The following SPTLC2 variants were observed in gnomAD, a reference collection of about 807,000 sequenced individuals.
SPTLC2 encodes the protein serine palmitoyltransferase long chain base subunit 2.
SPTLC2 carries 21 observed loss-of-function variants against 62.0 expected under a neutral mutation model. That is an observed-to-expected ratio of 0.34 (90% CI 0.24 to 0.49). SPTLC2 has a LOEUF of 0.49. Ranked by LOEUF, SPTLC2 falls within the 20% of genes least tolerant of loss-of-function variation. The probability of loss-of-function intolerance (pLI) is 0.99; values close to 1 mark genes in which losing one functional copy is unlikely to be tolerated. For missense variants in SPTLC2, 511 were observed against 713.0 expected (o/e 0.72, Z 3.23); for synonymous variants, 261 against 261.8 (o/e 1.00, Z 0.03).
intron 11 of SPTLC2, among the ~76,000 whole-genome samples, chr14:77,513,895 C>CAAAAA (rs35769140): frequency 5.6e-5 from 6 of 106,212 alleles, no homozygotes; most frequent in Non-Finnish European, 1.1e-4. Context: ...AACTCTGTCT[C>CAAAAA]AAAAAAAAAA....
chr14:77,590,202 C>T (rs10873307), intron 2 of SPTLC2, among the ~76,000 whole-genome samples: 62,713 of 151,900 alleles, frequency 0.41, 14,359 homozygotes, highest in Non-Finnish European at 0.51. Flanking sequence ...GTCTCAAACT[C>T]CTGCGCTCAA....
intron 2 of SPTLC2, among the ~76,000 whole-genome samples, chr14:77,595,267 A>G (rs2079840334): frequency 6.6e-6 from 1 of 152,094 alleles, no homozygotes; most frequent in South Asian, 2.1e-4. Context: ...TGGGAAGCTG[A>G]GGCATGAGAA....
intron 2 of SPTLC2, among the ~76,000 whole-genome samples, chr14:77,588,319 A>G (rs951501071): frequency 6.6e-6 from 1 of 152,220 alleles, no homozygotes; most frequent in Admixed American, 6.5e-5. Context: ...AAGTTGTTTC[A>G]AAACTTAAAT....
intron 2 of SPTLC2, among the ~76,000 whole-genome samples, chr14:77,590,795 A>C (rs1414257253): frequency 2.0e-5 from 3 of 152,226 alleles, no homozygotes; most frequent in Non-Finnish European, 4.4e-5. Flanking sequence ...AGCAAAAAGG[A>C]AAGGGGGAGA....
At chr14:77,514,736 G>A (rs1444549882) in intron 11 of SPTLC2, among the ~76,000 whole-genome samples, 1 of 152,136 alleles carries the variant, frequency 6.6e-6, no homozygotes, top group Non-Finnish European at 1.5e-5. Flanking sequence ...TGCAACTTTT[G>A]TCACTATCTA....
chr14:77,572,770 G>C (rs562150157), intron 4 of SPTLC2, among the ~76,000 whole-genome samples: 1 of 152,302 alleles, frequency 6.6e-6, no homozygotes, highest in East Asian at 1.9e-4. Context: ...TTATGTTGTG[G>C]GGATGGCTTC....
At chr14:77,616,271 C>T (rs1201280073) in intron 1 of SPTLC2, among the ~76,000 whole-genome samples, 177 bp downstream of exon 1, 1 of 152,190 alleles carries the variant, frequency 6.6e-6, no homozygotes, top group Non-Finnish European at 1.5e-5. Flanking sequence ...CCCGAGCCGT[C>T]CTTGAGCCTC....
chr14:77,554,217 AT>A (rs2079570949), intron 8 of SPTLC2, among the ~76,000 whole-genome samples: 1 of 152,252 alleles, frequency 6.6e-6, no homozygotes, highest in East Asian at 1.9e-4. Flanking sequence ...GACATACATT[AT>A]TTTTTCCCTA....
chr14:77,555,455 A>T lies in SPTLC2; in HGVS notation c.1021T>A (p.Leu341Met). 1 of 1,614,204 alleles carries T rather than the reference A, an allele frequency of 6.2e-7. No individual in the cohort carries two copies. The part of the protein sequence containing the change: ...IALKKKYKAY[L>M]YLDEAHSIGA... ...ATGCTGTGAGCCTCATCCAGATACAAGTATGCCTTGTATTTCTTCTTGAGG... is the reference window on the plus strand; with the variant it reads ...ATGCTGTGAGCCTCATCCAGATACATGTATGCCTTGTATTTCTTCTTGAGG... The change falls in exon 8 of 12, where the codon TTG (leucine) becomes ATG (methionine). Residue 341 changes from leucine to methionine, a missense_variant. Physicochemically the swap from Leu to Met is conservative, Grantham distance 15. Coordinates refer to ENST00000216484, the MANE Select transcript of SPTLC2 (RefSeq NM_004863.4).
At chr14:77,573,202 G>T (rs1022688184) in intron 4 of SPTLC2, among the ~76,000 whole-genome samples, 1 of 152,136 alleles carries the variant, frequency 6.6e-6, no homozygotes, top group Non-Finnish European at 1.5e-5. Flanking sequence ...GGGAGCGGGG[G>T]AGATGAAGAA....
intron 4 of SPTLC2, among the ~76,000 whole-genome samples, chr14:77,573,237 A>T (rs35513319): frequency 0.022 from 3,345 of 152,254 alleles, 55 homozygotes; most frequent in Non-Finnish European, 0.032. Flanking sequence ...GTACAAATAT[A>T]GAGTTAGAAG....
chr14:77,593,288 T>C (rs76346177), intron 2 of SPTLC2, among the ~76,000 whole-genome samples: 5,183 of 152,238 alleles, frequency 0.034, 291 homozygotes, highest in African/African-American at 0.12. Context: ...ATCTAAATAT[T>C]AGAATATTTT....
intron 5 of SPTLC2, among the ~76,000 whole-genome samples, chr14:77,568,235 GT>G (rs769821979): frequency 1.3e-5 from 2 of 151,946 alleles, no homozygotes; most frequent in Non-Finnish European, 2.9e-5. Flanking sequence ...GAAATATATT[GT>G]TTAATTTTCA....
chr14:77,514,140 G>C (rs1484705595), intron 11 of SPTLC2, among the ~76,000 whole-genome samples: 1 of 152,112 alleles, frequency 6.6e-6, no homozygotes, highest in Non-Finnish European at 1.5e-5. Flanking sequence ...CCAAGATCAT[G>C]CCACTGTACT....
chr14:77,576,967 C>T, intron 3 of SPTLC2, 52 bp from the exon 4 acceptor site: 2 of 1,602,506 alleles, frequency 1.2e-6, no homozygotes, highest in Non-Finnish European at 8.5e-7. Context: ...AAAGTACTTA[C>T]ATGTAATATT....
At chr14:77,569,765 T>A (rs988134276) in intron 5 of SPTLC2, among the ~76,000 whole-genome samples, 3 of 92,986 alleles carry the variant, frequency 3.2e-5, no homozygotes, top group Admixed American at 1.3e-4. Flanking sequence ...GATATATATA[T>A]TATATATATA....
intron 2 of SPTLC2, among the ~76,000 whole-genome samples, chr14:77,593,089 T>TGA (rs1422425826): frequency 7.4e-5 from 11 of 149,006 alleles, no homozygotes; most frequent in Admixed American, 6.7e-4. Context: ...GGCGACAGAG[T>TGA]GAGACTCCAT....
rs555414773 is a variant in SPTLC2, at chr14:77,550,894, ACT to A, written c.1303+1200_1303+1201del. Among the ~76,000 whole-genome samples, 629 of 143,338 alleles carry A rather than the reference ACT, an allele frequency of 4.4e-3. 3 individuals carry two copies. Among genetic ancestry groups the A allele is most frequent in the Middle Eastern group, 0.024 (7 of 286 alleles). 94.0% of individuals were successfully genotyped at this position (143,338 alleles called of 152,430 possible). A position where few individuals can be genotyped will look rare whatever the true frequency, so the allele number is the denominator to read the frequency against. On this transcript the variant is annotated intron_variant, in intron 9 of 11. Coordinates refer to ENST00000216484, the MANE Select transcript of SPTLC2 (RefSeq NM_004863.4). ...ACTCCAGCCCGGGAGACAGAGCAAG[ACT>A]CTGTCTCAAAAACAAAAACCAGAAA...
In SPTLC2 at chr14:77,562,563, CA is replaced by C. The variant is rs1305156716; in HGVS notation, c.757-75del. 7.8e-6 allele frequency: 9 copies of C among 1,151,044 alleles called. No individual in the cohort carries two copies. In the South Asian group the frequency reaches 8.8e-5, roughly 11 times the overall value. 71.3% of individuals were successfully genotyped at this position (1,151,044 alleles called of 1,614,324 possible). On this transcript the variant is annotated intron_variant, in intron 5 of 11. Transcript: ENST00000216484. ...TAGTTACACAAATCACAAAATGCCA[CA>C]AACACTAATAGCTGTATCTTATTAA...
Sources: allele counts gnomAD v4.1 joint callset (sites outside exome capture counted in the v4.1 genomes callset), GRCh38; gene constraint gnomAD v4.1.1; transcripts MANE v1.5; gene names NCBI Gene and HGNC (gene_info 2026-07-23, HGNC 2026-07-21).